F13A1: variants seen among roughly 807,000 people sequenced by gnomAD.
F13A1 encodes the protein coagulation factor XIII A chain, also known as FSF, A subunit.
A neutral mutation model predicts 80.1 loss-of-function variants in F13A1; 47 were observed. The ratio of observed to expected loss-of-function variants is 0.59; its 90% CI spans 0.46 to 0.75. The LOEUF is 0.75. F13A1 is among the 30% of genes least tolerant of loss of function. The pLI is 0.00. For missense variants in F13A1, 817 were observed against 930.4 expected, an observed-to-expected ratio of 0.88 and a Z score of 1.59; for synonymous variants, 349 against 344.9, an observed-to-expected ratio of 1.01 and a Z score of -0.13.
At chr6:6,303,148 T>C (rs1196830775) in intron 3 of F13A1, among the ~76,000 whole-genome samples, 2 of 152,232 alleles carry the variant, frequency 1.3e-5, no homozygotes, top group Admixed American at 6.5e-5. Context: ...GGATTCTCTA[T>C]TATGTCCTAC....
chr6:6,185,273 C>A, intron 10 of F13A1, among the ~76,000 whole-genome samples: 1 of 121,640 alleles, frequency 8.2e-6, no homozygotes. Flanking sequence ...TATGCTATCC[C>A]TCCCCCCTCC....
At chr6:6,239,170 T>C (rs1757453193) in intron 6 of F13A1, among the ~76,000 whole-genome samples, 1 of 152,124 alleles carries the variant, frequency 6.6e-6, no homozygotes, top group South Asian at 2.1e-4. Context: ...TTCTTAGTAA[T>C]GGTAAGGAAA....
chr6:6,315,559 T>G (rs1277967299), intron 2 of F13A1, among the ~76,000 whole-genome samples: 2 of 152,326 alleles, frequency 1.3e-5, no homozygotes, highest in East Asian at 3.9e-4. Context: ...AGCCATGACT[T>G]AAGGGCGTTA....
intron 13 of F13A1, among the ~76,000 whole-genome samples, chr6:6,166,829 C>A (rs932748372): frequency 1.3e-5 from 2 of 152,008 alleles, no homozygotes; most frequent in African/African-American, 4.8e-5. Context: ...GTCAAATGGG[C>A]AAAACAAACC....
rs546225629 is a variant in F13A1, at chr6:6,244,487, A to C, written c.798+3825T>G. Among the ~76,000 whole-genome samples the C allele has an allele frequency of 2.6e-5, 4 of 152,336 alleles. No homozygotes were observed. The East Asian group carries it at 5.8e-4, about 22-fold the overall frequency. On this transcript the variant is annotated intron_variant, in intron 6 of 14. Transcript: ENST00000264870. ...ATAATATCTCAGGCCTAATCTCTAG[A>C]TGATGAGAATACAGGATTTTGGACT...
At chr6:6,151,700 A>G in intron 14 of F13A1, 113 bp downstream of exon 14, 2 of 1,459,262 alleles carry the variant, frequency 1.4e-6, no homozygotes, top group Middle Eastern at 2.3e-4. Flanking sequence ...AGGAGGAGGC[A>G]GCTTCCAAGA....
At chr6:6,187,958 G>A (rs894462510) in intron 10 of F13A1, among the ~76,000 whole-genome samples, 1 of 149,158 alleles carries the variant, frequency 6.7e-6, no homozygotes, top group African/African-American at 2.4e-5. Context: ...TTGGGAGAGT[G>A]TATGTGTCGA....
intron 4 of F13A1, among the ~76,000 whole-genome samples, chr6:6,255,812 C>A (rs191850283): frequency 6.6e-6 from 1 of 151,774 alleles, no homozygotes; most frequent in Admixed American, 6.6e-5. Context: ...TGGGAAGGCT[C>A]GATTTTAATT....
In F13A1 at chr6:6,217,188, A is replaced by T. The variant is rs1200315772; in HGVS notation, c.1112+4845T>A. Among the ~76,000 whole-genome samples, 3 of 151,872 alleles carry T rather than the reference A, an allele frequency of 2.0e-5. No individual in the cohort carries two copies. In the East Asian group the frequency reaches 5.8e-4, roughly 29 times the overall value. ...CCATCCCATTACTTGGTATATACCCAAAGGACTATAAATCATGCTGCTATA... is the reference window on the plus strand; with the variant it reads ...CCATCCCATTACTTGGTATATACCCTAAGGACTATAAATCATGCTGCTATA... On this transcript the variant is annotated intron_variant, in intron 8 of 14. Transcript: ENST00000264870.
chr6:6,249,323 T>C (rs1251485081), intron 5 of F13A1, among the ~76,000 whole-genome samples: 1 of 152,246 alleles, frequency 6.6e-6, no homozygotes, highest in East Asian at 1.9e-4. Flanking sequence ...GTAATTGCAC[T>C]AGTTCTTCAG....
rs140037971 is a variant in F13A1 at position 6,174,769 on chromosome 6, C to T, written c.1558G>A (p.Asp520Asn). Residue 520 changes from aspartate to asparagine, a missense_variant, in exon 12 of 15, where the codon GAC becomes AAC. By Grantham distance (23) the Asp-to-Asn change is conservative (BLOSUM62 1). Coordinates refer to ENST00000264870, the MANE Select transcript of F13A1 (RefSeq NM_000129.4). ...GCATTTTCCACTTCAAAGTCCATGT[C>T]AACGTTGGACCTTGATTTCATGACA... ...EGVMKSRSNV[D>N]MDFEVENAVL... 4.3e-6 allele frequency: 7 copies of T among 1,614,070 alleles called. No individual in the cohort carries two copies. In the African/African-American group the frequency reaches 8.0e-5, roughly 18 times the overall value.
intron 8 of F13A1, 133 bp downstream of exon 8, chr6:6,221,896 ACAAT>A: frequency 3.0e-6 from 3 of 987,034 alleles, no homozygotes; most frequent in Non-Finnish European, 3.1e-6. Context: ...ACATTCTTTG[ACAAT>A]CAGAGTTTTC....
chr6:6,221,869 T>A lies in F13A1; in HGVS notation c.1112+164A>T, dbSNP rs3024417. Among the ~76,000 whole-genome samples the A allele has an allele frequency of 0.15, 22,547 of 152,272 alleles. 1,979 individuals carry two copies. Among genetic ancestry groups the A allele is most frequent in the Non-Finnish European group, 0.2 (13,492 of 68,006 alleles). On this transcript the variant is annotated intron_variant, in intron 8 of 14. Coordinates refer to ENST00000264870, the MANE Select transcript of F13A1 (RefSeq NM_000129.4). ...CCCAAACTGTCTCTTCAGTAACATTTCTAATCATTTGCTAGAACATTCTTT... is the reference window on the plus strand; with the variant it reads ...CCCAAACTGTCTCTTCAGTAACATTACTAATCATTTGCTAGAACATTCTTT...
chr6:6,263,129 CTCTCT>C (rs1310162672), intron 4 of F13A1, among the ~76,000 whole-genome samples: 1 of 152,234 alleles, frequency 6.6e-6, no homozygotes, highest in East Asian at 1.9e-4. Flanking sequence ...AACACCCACT[CTCTCT>C]TGTCTTTAAA....
At chr6:6,308,478 G>T (rs1175630537) in intron 2 of F13A1, among the ~76,000 whole-genome samples, 4 of 147,912 alleles carry the variant, frequency 2.7e-5, no homozygotes, top group Admixed American at 2.0e-4. Flanking sequence ...AAAAAAAAGA[G>T]ACCATTACAT....
intron 3 of F13A1, among the ~76,000 whole-genome samples, chr6:6,267,958 C>G (rs2113125625): frequency 6.6e-6 from 1 of 152,320 alleles, no homozygotes; most frequent in African/African-American, 2.4e-5. Context: ...AGAATGAAGA[C>G]AATCACTAGT....
intron 4 of F13A1, among the ~76,000 whole-genome samples, chr6:6,265,634 A>G (rs1202352350): frequency 6.6e-6 from 1 of 152,216 alleles, no homozygotes; most frequent in Non-Finnish European, 1.5e-5. Flanking sequence ...AAATAGCACT[A>G]GAGATCAAGT....
chr6:6,209,338 A>C (rs1216229854), intron 8 of F13A1, among the ~76,000 whole-genome samples: 2 of 151,708 alleles, frequency 1.3e-5, no homozygotes, highest in South Asian at 2.1e-4. Flanking sequence ...AAAAAAAAAA[A>C]ACAGAAAATA....
chr6:6,194,630 T>C (rs1396149226), intron 10 of F13A1, among the ~76,000 whole-genome samples: 1 of 152,236 alleles, frequency 6.6e-6, no homozygotes, highest in Non-Finnish European at 1.5e-5. Context: ...TGAATGCAGA[T>C]CTGTGCTCTC....
Sources: allele counts gnomAD v4.1 joint callset (sites outside exome capture counted in the v4.1 genomes callset), GRCh38; gene constraint gnomAD v4.1.1; transcripts MANE v1.5; gene names NCBI Gene and HGNC (gene_info 2026-07-23, HGNC 2026-07-21).